The following ENGASE variants were observed in gnomAD, a reference collection of about 807,000 sequenced individuals.
ENGASE encodes endo-beta-N-acetylglucosaminidase.
Under a neutral mutation model 78.5 loss-of-function variants are expected in ENGASE, and 69 were observed. The observed-to-expected ratio is 0.88, with a 90% CI of 0.72 to 1.07. The LOEUF (loss-of-function observed/expected upper bound fraction) is 1.07, where lower values mean the gene tolerates loss of function less well. ENGASE is among the 50% of genes least tolerant of loss of function. ENGASE has a pLI of 0.00. For missense variants in ENGASE, 943 were observed against 988.4 expected (o/e 0.95, Z 0.62); for synonymous variants, 408 against 408.9 (o/e 1.00, Z 0.03).
chr17:79,082,814 CCT>C, intron 7 of ENGASE: 12 of 1,507,376 alleles, frequency 8.0e-6, no homozygotes, highest in Non-Finnish European at 1.1e-5. Flanking sequence ...GCGCTGACCG[CCT>C]CTCCCGCGCC....
chr17:79,086,278 C>G lies in ENGASE; in HGVS notation c.2161C>G (p.Pro721Ala). ...CATGGAATTTCTGGTGGAGCCTGTCCCCAAGGAAGGGTTCCGGGTACCTCA... is the reference window on the plus strand; with the variant it reads ...CATGGAATTTCTGGTGGAGCCTGTCGCCAAGGAAGGGTTCCGGGTACCTCA... ...RRMEFLVEPV[P>A]KEGFRVPQAE... Residue 721 changes from proline to alanine, a missense_variant, in exon 14 of 14, where the codon CCC becomes GCC. Physicochemically the swap from Pro to Ala is conservative, Grantham distance 27. Coordinates refer to ENST00000579016, the MANE Select transcript of ENGASE (RefSeq NM_001042573.3). The G allele has an allele frequency of 1.2e-6, 2 of 1,613,682 alleles. No individual in the cohort carries two copies. Among genetic ancestry groups the G allele is most frequent in the South Asian group, 2.2e-5 (2 of 91,084 alleles).
intron 1 of ENGASE, among the ~76,000 whole-genome samples, chr17:79,076,428 G>C (rs62063815): frequency 0.24 from 36,722 of 152,098 alleles, 5,553 homozygotes; most frequent in Non-Finnish European, 0.34. Context: ...GTCAGGCGTG[G>C]TGGCAGATGC....
chr17:79,077,931 GGC>G, intron 3 of ENGASE, 67 bp downstream of exon 3: 54 of 1,308,342 alleles, frequency 4.1e-5, no homozygotes, highest in Middle Eastern at 2.7e-4. Flanking sequence ...GGGCTGGAGG[GGC>G]GGGAGAGAGT....
Position 79,079,531 on chromosome 17 carries a change from C to T in ENGASE, c.459C>T (p.Tyr153=), listed in dbSNP as rs747386843. The T allele has an allele frequency of 3.7e-6, 6 of 1,614,002 alleles. No homozygotes were observed. The highest frequency in any genetic ancestry group is 5.1e-6 in the Non-Finnish European group (6 of 1,180,024). ...TGGTGCAGACTCCCTATGCTTTCTACCACTGGCAGTGCATCGACGTCTTTG... is the reference window on the plus strand; with the variant it reads ...TGGTGCAGACTCCCTATGCTTTCTATCACTGGCAGTGCATCGACGTCTTTG... ...GSVVQTPYAF[Y]HWQCIDVFVY... is the part of the protein sequence containing the mutation. The change falls in exon 4 of 14, where the codon TAC becomes TAT. Residue 153 remains tyrosine (Y), a synonymous_variant. Coordinates refer to ENST00000579016, the MANE Select transcript of ENGASE (RefSeq NM_001042573.3).
Position 79,077,539 on chromosome 17 carries a change from C to T in ENGASE, c.214+42C>T, listed in dbSNP as rs757049694. The T allele has an allele frequency of 3.2e-6, 5 of 1,546,790 alleles. No individual in the cohort carries two copies. In the African/African-American group the frequency reaches 6.9e-5, roughly 21 times the overall value. On this transcript the variant is annotated intron_variant, in intron 2 of 13. Transcript: ENST00000579016. The stretch of plus-strand genomic sequence containing the variant: ...TCTGAATACCGATCCACCTTCACAC[C>T]TGGGGCTTTGGGGCAGGTCAGCCCC...
chr17:79,084,487 G>T, intron 10 of ENGASE, 51 bp from the exon 11 acceptor site: 1 of 1,486,538 alleles, frequency 6.7e-7, no homozygotes, highest in South Asian at 1.4e-5. Context: ...AGCTGGCTTC[G>T]ATTTCTCAGT....
chr17:79,080,161 G>A (rs1220136608), intron 4 of ENGASE, 46 bp from the exon 5 acceptor site: 1 of 1,552,546 alleles, frequency 6.4e-7, no homozygotes, highest in Non-Finnish European at 8.7e-7. Context: ...TGGGTGGAGG[G>A]AAAGTGATTC....
At chr17:79,082,943 A>G in intron 7 of ENGASE, 77 bp from the exon 8 acceptor site, 1 of 1,585,212 alleles carries the variant, frequency 6.3e-7, no homozygotes, top group African/African-American at 1.3e-5. Context: ...TGAGAGCCCC[A>G]ACCCACGTCA....
intron 3 of ENGASE, 107 bp downstream of exon 3, chr17:79,077,971 G>C: frequency 8.6e-7 from 1 of 1,162,546 alleles, no homozygotes; most frequent in Non-Finnish European, 1.2e-6. Flanking sequence ...CACTGGGCGG[G>C]GAGTCAGGAG....
At chr17:79,082,144 G>T in intron 7 of ENGASE, 81 bp downstream of exon 7, 1 of 1,611,114 alleles carries the variant, frequency 6.2e-7, no homozygotes, top group Non-Finnish European at 8.5e-7. Context: ...TTCCATTCCC[G>T]TCTGCACCTC....
chr17:79,080,161 GA>G, intron 4 of ENGASE, 45 bp from the exon 5 acceptor site: 1 of 1,552,544 alleles, frequency 6.4e-7, no homozygotes. Context: ...TGGGTGGAGG[GA>G]AAGTGATTCC....
At chr17:79,085,146 C>G in intron 11 of ENGASE, 88 bp from the exon 12 acceptor site, 1 of 1,044,212 alleles carries the variant, frequency 9.6e-7, no homozygotes, top group Non-Finnish European at 1.5e-6. Flanking sequence ...GCAGCCTTCT[C>G]TGGACTCCTG....
At chr17:79,076,230 C>T (rs955314786) in intron 1 of ENGASE, among the ~76,000 whole-genome samples, 1 of 152,182 alleles carries the variant, frequency 6.6e-6, no homozygotes, top group African/African-American at 2.4e-5. Context: ...GCCATGGCCT[C>T]TAAATAGCCA....
Position 79,086,945 on chromosome 17 carries a change from C to A in ENGASE, c.*596C>A. On this transcript the variant is annotated 3_prime_UTR_variant, in exon 14 of 14. Coordinates refer to ENST00000579016, the MANE Select transcript of ENGASE (RefSeq NM_001042573.3). The stretch of plus-strand genomic sequence containing the variant: ...ATTCTGGGCCAGCCGGCGCTGGCTT[C>A]GTGCCTCCACGTGGGCCAGCCCCAG... 1 of 483,904 alleles carries A rather than the reference C, an allele frequency of 2.1e-6. No homozygotes were observed. The highest frequency in any genetic ancestry group is 4.1e-6 in the Non-Finnish European group (1 of 242,778). 30.0% of individuals were successfully genotyped at this position (483,904 alleles called of 1,614,324 possible).
Position 79,086,847 on chromosome 17 carries a change from C to T in ENGASE, c.*498C>T, listed in dbSNP as rs575846077. 1.3e-4 allele frequency: 57 copies of T among 432,836 alleles called. No homozygotes were observed. Among genetic ancestry groups the T allele is most frequent in the South Asian group, 8.4e-4 (52 of 62,084 alleles). 26.8% of individuals were successfully genotyped at this position (432,836 alleles called of 1,614,324 possible). On this transcript the variant is annotated 3_prime_UTR_variant, in exon 14 of 14. Transcript: ENST00000579016. ...GCAGCTCCTGGGGTGGGGCTGCCTG[C>T]GGGATGGCGGGAGAGGATGCCCTGG...
rs777613963 is a variant in ENGASE, at chr17:79,086,949, C to T, written c.*600C>T. On this transcript the variant is annotated 3_prime_UTR_variant, in exon 14 of 14. Transcript: ENST00000579016. The stretch of plus-strand genomic sequence containing the variant: ...TGGGCCAGCCGGCGCTGGCTTCGTG[C>T]CTCCACGTGGGCCAGCCCCAGCTGC... The T allele has an allele frequency of 2.9e-5, 14 of 488,036 alleles. No homozygotes were observed. Among genetic ancestry groups the T allele is most frequent in the Non-Finnish European group, 5.7e-5 (14 of 245,056 alleles). 30.2% of individuals were successfully genotyped at this position (488,036 alleles called of 1,614,324 possible).
In ENGASE at chr17:79,087,400, C is replaced by A; in HGVS notation, c.*1051C>A. On this transcript the variant is annotated 3_prime_UTR_variant, in exon 14 of 14. Transcript: ENST00000579016. ...GGCGTGAGGGAGGCAGGGTCTTCAC[C>A]ACAGGCGCCTTCCTCTGTCCTTCCT... 1 of 232,114 alleles carries A rather than the reference C, an allele frequency of 4.3e-6. No homozygotes were observed. Among genetic ancestry groups the A allele is most frequent in the Non-Finnish European group, 8.9e-6 (1 of 112,730 alleles). 14.4% of individuals were successfully genotyped at this position (232,114 alleles called of 1,614,324 possible).
chr17:79,086,305 G>T lies in ENGASE; in HGVS notation c.2188G>T (p.Ala730Ser), dbSNP rs758576485. 1.2e-6 allele frequency: 2 copies of T among 1,613,380 alleles called. No homozygotes were observed. Among genetic ancestry groups the T allele is most frequent in the African/African-American group, 2.7e-5 (2 of 74,952 alleles). ...VPKEGFRVPQ[A>S]EWGRAVLLYS... is the part of the protein sequence containing the mutation. ...CAAGGAAGGGTTCCGGGTACCTCAG[G>T]CCGAGTGGGGCAGGGCAGTTCTGCT... The change falls in exon 14 of 14, where the codon GCC (alanine) becomes TCC (serine). Residue 730 changes from alanine (A) to serine (S), a missense_variant. Ala to Ser is a moderately conservative substitution (Grantham distance 99). Coordinates refer to ENST00000579016, the MANE Select transcript of ENGASE (RefSeq NM_001042573.3).
Position 79,080,261 on chromosome 17 carries a change from C to T in ENGASE, c.620C>T (p.Ala207Val), listed in dbSNP as rs534322341. The T allele has an allele frequency of 1.2e-4, 196 of 1,613,554 alleles. No individual in the cohort carries two copies. The South Asian group carries it at 2.0e-3, about 16-fold the overall frequency. The change falls in exon 5 of 14, where the codon GCC (alanine) becomes GTC (valine). Residue 207 changes from alanine to valine, a missense_variant. Coordinates refer to ENST00000579016, the MANE Select transcript of ENGASE (RefSeq NM_001042573.3). ...EGGRLCEAFL[A>V]GDERSYQAVA... ...GGAAGGCTCTGTGAAGCCTTCCTGG[C>T]CGGGGATGAGCGCTCGTACCAGGCA...
Sources: allele counts gnomAD v4.1 joint callset (sites outside exome capture counted in the v4.1 genomes callset), GRCh38; gene constraint gnomAD v4.1.1; transcripts MANE v1.5; gene names NCBI Gene and HGNC (gene_info 2026-07-23, HGNC 2026-07-21).